The following SLIT1 variants were observed in gnomAD, a reference collection of about 807,000 sequenced individuals.
SLIT1 encodes the protein slit guidance ligand 1.
SLIT1 carries 66 observed loss-of-function variants against 186.1 expected under a neutral mutation model. The observed-to-expected ratio is 0.35, with a 90% CI of 0.29 to 0.44. The LOEUF (loss-of-function observed/expected upper bound fraction) is 0.44. Among genes scored for constraint, SLIT1 ranks in the 20% least tolerant of loss-of-function variants. SLIT1 has a pLI of 1.00. For synonymous variants in SLIT1, 761 were observed against 833.8 expected, an observed-to-expected ratio of 0.91 and a Z score of 1.50; for missense variants, 1,638 against 2,037.4, an observed-to-expected ratio of 0.80 and a Z score of 3.77.
chr10:97,176,212 AGAGGT>A (rs1328729186), intron 1 of SLIT1, among the ~76,000 whole-genome samples: 1 of 152,188 alleles, frequency 6.6e-6, no homozygotes, highest in Non-Finnish European at 1.5e-5. Context: ...CCTGCAAAGC[AGAGGT>A]GAGTAATACC....
In SLIT1 at chr10:97,033,302, C is replaced by T. The variant is rs537722362; in HGVS notation, c.2438+1169G>A. Among the ~76,000 whole-genome samples, 16 of 152,240 alleles carry T rather than the reference C, an allele frequency of 1.1e-4. No homozygotes were observed. The East Asian group carries it at 2.9e-3, about 28-fold the overall frequency. On this transcript the variant is annotated intron_variant, in intron 23 of 36. Coordinates refer to ENST00000266058, the MANE Select transcript of SLIT1 (RefSeq NM_003061.3). ...GGCCCCTTCCTTTTTTGGGTACTGG[C>T]TCTACTGTTCTATCTGTAAAGTGAG...
chr10:97,021,553 T>G lies in SLIT1; in HGVS notation c.2583-140A>C. 4.7e-6 allele frequency: 3 copies of G among 645,084 alleles called. No individual in the cohort carries two copies. Among genetic ancestry groups the G allele is most frequent in the Non-Finnish European group, 2.5e-6 (1 of 404,178 alleles). 40.0% of individuals were successfully genotyped at this position (645,084 alleles called of 1,614,324 possible). ...TCATGAGCATTTACTGTATAGTCAG[T>G]GCTGCTTTTTTTTTTTTTTCTTTTT... On this transcript the variant is annotated intron_variant, in intron 25 of 36. Transcript: ENST00000266058. The surrounding 1 kb of genome is among the most constrained non-coding windows in gnomAD (Gnocchi z 4.5).
At chr10:97,140,062 G>A (rs1849742249) in intron 4 of SLIT1, among the ~76,000 whole-genome samples, 1 of 152,142 alleles carries the variant, frequency 6.6e-6, no homozygotes, top group South Asian at 2.1e-4. Flanking sequence ...ACCCCAGCAT[G>A]GCTTTTCCTC....
chr10:97,162,747 C>A (rs953261373), intron 3 of SLIT1, among the ~76,000 whole-genome samples: 3 of 152,142 alleles, frequency 2.0e-5, no homozygotes, highest in African/African-American at 7.2e-5. Flanking sequence ...ACACCTACAG[C>A]CAAACCACTT....
At chr10:97,140,156 C>T (rs981209430) in intron 4 of SLIT1, among the ~76,000 whole-genome samples, 3 of 151,992 alleles carry the variant, frequency 2.0e-5, no homozygotes, top group African/African-American at 7.3e-5. Context: ...AAGAGTGGCC[C>T]CTGTCTCCCT....
At chr10:97,069,680 G>A (rs903481714) in intron 4 of SLIT1, among the ~76,000 whole-genome samples, 1 of 152,202 alleles carries the variant, frequency 6.6e-6, no homozygotes, top group Non-Finnish European at 1.5e-5. Context: ...AACAGCATGT[G>A]CAGAAACCCA....
rs764003955 is a variant in SLIT1 at position 97,042,939 on chromosome 10, A to G, written c.2126T>C (p.Leu709Pro). Residue 709 changes from leucine (L) to proline (P), a missense_variant, in exon 20 of 37, where the codon CTG (leucine) becomes CCG (proline). Leu to Pro is a moderately conservative substitution (Grantham distance 98). Transcript: ENST00000266058. ...QNPDFLRQIP[L>P]QDVAFPDFRC... ...GAAGTCAGGGAAGGCCACGTCCTGC[A>G]GGGGAATCTGCCGCAAAAAGTCAGG... The G allele has an allele frequency of 6.2e-7, 1 of 1,614,234 alleles. No homozygotes were observed. The highest frequency in any genetic ancestry group is 1.7e-5 in the Admixed American group (1 of 60,030).
chr10:97,028,634 C>G (rs1298760728), intron 25 of SLIT1, among the ~76,000 whole-genome samples: 1 of 152,318 alleles, frequency 6.6e-6, no homozygotes, highest in East Asian at 1.9e-4. Context: ...ATGGTACCTC[C>G]TCTGTGAAGC....
intron 1 of SLIT1, among the ~76,000 whole-genome samples, chr10:97,174,358 C>T (rs1049287275): frequency 6.6e-6 from 1 of 152,222 alleles, no homozygotes; most frequent in Non-Finnish European, 1.5e-5. Flanking sequence ...TGCTGGCATA[C>T]CATACTCAAG....
intron 4 of SLIT1, among the ~76,000 whole-genome samples, chr10:97,073,401 C>G (rs755515247): frequency 6.6e-6 from 1 of 152,190 alleles, no homozygotes; most frequent in Non-Finnish European, 1.5e-5. Flanking sequence ...TGAGAACTGC[C>G]GTCCTGGAAG....
intron 4 of SLIT1, among the ~76,000 whole-genome samples, chr10:97,076,875 C>T (rs1212678943): frequency 6.6e-6 from 1 of 152,232 alleles, no homozygotes; most frequent in Non-Finnish European, 1.5e-5. Flanking sequence ...GCAGTGGTGT[C>T]AAAGAGACCA....
At chr10:97,057,676 CAG>C (rs1377689748) in intron 11 of SLIT1, 1 of 372,836 alleles carries the variant, frequency 2.7e-6, no homozygotes. Context: ...AACATATTTT[CAG>C]AGAGTTACAG....
At chr10:97,013,653 T>C (rs971724755) in intron 30 of SLIT1, 88 bp downstream of exon 30, 5 of 924,456 alleles carry the variant, frequency 5.4e-6, no homozygotes, top group East Asian at 5.3e-5. Context: ...AATGAGGGAA[T>C]GAGGGTGGGG....
At chr10:97,048,681 T>C (rs369667460) in intron 14 of SLIT1, among the ~76,000 whole-genome samples, 27 of 152,232 alleles carry the variant, frequency 1.8e-4, no homozygotes, top group African/African-American at 6.3e-4. Flanking sequence ...CCAGGAAACA[T>C]CAGGGGGTCC....
intron 8 of SLIT1, among the ~76,000 whole-genome samples, chr10:97,061,849 T>C (rs1364425972): frequency 1.3e-5 from 2 of 152,000 alleles, no homozygotes; most frequent in African/African-American, 4.8e-5. Context: ...TTCTGCAGAG[T>C]GGTTGAGCCA....
chr10:97,005,168 G>A (rs571892121), intron 32 of SLIT1, among the ~76,000 whole-genome samples: 1 of 152,324 alleles, frequency 6.6e-6, no homozygotes, highest in South Asian at 2.1e-4. Flanking sequence ...TGCTGGGTGT[G>A]GGTAGCCTTG....
rs1365165436 is a variant in SLIT1, at chr10:97,057,227, T to C, written c.1140A>G (p.Leu380=). 3 of 1,613,766 alleles carry C rather than the reference T, an allele frequency of 1.9e-6. No homozygotes were observed. The highest frequency in any genetic ancestry group is 2.5e-6 in the Non-Finnish European group (3 of 1,179,890). The change falls in exon 12 of 37, where the codon CTA becomes CTG. Residue 380 remains leucine, a synonymous_variant. Coordinates refer to ENST00000266058, the MANE Select transcript of SLIT1 (RefSeq NM_003061.3). ...TDLPRGVFGG[L]YTLQLLLLNA... is the part of the protein sequence containing the mutation. ...GTTCTTACAGGAGCTGTAGGGTGTA[T>C]AGGCCTCCAAACACACCACGGGGGA...
At chr10:97,064,635 G>T (rs1328287577) in intron 6 of SLIT1, among the ~76,000 whole-genome samples, 170 bp downstream of exon 6, 1 of 152,150 alleles carries the variant, frequency 6.6e-6, no homozygotes, top group African/African-American at 2.4e-5. Flanking sequence ...CACACTACTT[G>T]CTGCAGGCAC....
intron 14 of SLIT1, 22 bp from the exon 15 acceptor site, chr10:97,048,018 C>A: frequency 6.2e-7 from 1 of 1,613,968 alleles, no homozygotes; most frequent in South Asian, 1.1e-5. Context: ...AGCAGAAATA[C>A]CATAATGCAG....
Sources: gnomAD v4.1 joint callset for allele counts (sites outside exome capture counted in the v4.1 genomes callset) on GRCh38, gnomAD v4.1.1 for gene constraint, Gnocchi (gnomAD v3.1) non-coding constraint, MANE v1.5 for transcripts, NCBI Gene and HGNC (gene_info 2026-07-23, HGNC 2026-07-21) for gene names.